AHNAK2: variants seen among roughly 807,000 people sequenced by gnomAD.
AHNAK2 encodes AHNAK nucleoprotein 2.
Under a neutral mutation model 30.7 loss-of-function variants are expected in AHNAK2, and 18 were observed. The ratio of observed to expected loss-of-function variants is 0.59; its 90% CI spans 0.41 to 0.87. AHNAK2 has a LOEUF of 0.87. AHNAK2 is among the 40% of genes least tolerant of loss of function. The pLI is 0.00. For missense variants in AHNAK2, 8,604 were observed against 7,373.0 expected, an observed-to-expected ratio of 1.17 and a Z score of -6.11; for synonymous variants, 3,590 against 3,073.8, an observed-to-expected ratio of 1.17 and a Z score of -5.56.
Position 104,954,888 on chromosome 14 carries a change from C to T in AHNAK2, c.651+69G>A, listed in dbSNP as rs1279775231. On this transcript the variant is annotated intron_variant, in intron 6 of 6. Transcript: ENST00000333244. This position sits in a 1 kb window ranked among gnomAD's most constrained non-coding sequence, Gnocchi z 4.3. ...GACAGATGGAGTGGGAGTGCTATCC[C>T]CTCCCAGGCTCAGCCAGCAGGGTAG... 2 of 1,549,796 alleles carry T rather than the reference C, an allele frequency of 1.3e-6. No homozygotes were observed. The highest frequency in any genetic ancestry group is 1.9e-5 in the Admixed American group (1 of 51,288).
At position 104,942,496 on chromosome 14, in the gene AHNAK2, C is replaced by G. The variant is rs763795613; in HGVS notation, c.12955G>C (p.Ala4319Pro). Residue 4319 changes from alanine (A) to proline (P), a missense_variant, in exon 7 of 7, where the codon GCC becomes CCC. Transcript: ENST00000333244. ...TTCAGCGCAGACACATCCAACGAGG[C>G]CTCGATGGACTTGCCTGGGGCAGAC... is the stretch of plus-strand genomic sequence containing the variant. ...GVSAPGKSIE[A>P]SLDVSALKVE... The G allele has an allele frequency of 1.9e-6, 3 of 1,613,062 alleles. No individual in the cohort carries two copies. In the South Asian group the frequency reaches 3.3e-5, roughly 18 times the overall value.
chr14:104,963,505 C>CA (rs1491071489), intron 1 of AHNAK2, among the ~76,000 whole-genome samples: 8 of 152,094 alleles, frequency 5.3e-5, no homozygotes, highest in Non-Finnish European at 1.0e-4. Context: ...ACAGAACACA[C>CA]AAAAAATGAC....
rs753020196 is a variant in AHNAK2 at position 104,941,734 on chromosome 14, G to T, written c.13717C>A (p.Leu4573Met). Residue 4573 changes from leucine to methionine, a missense_variant, in exon 7 of 7, where the codon CTG becomes ATG. Coordinates refer to ENST00000333244, the MANE Select transcript of AHNAK2 (RefSeq NM_138420.4). ...TCTGCCTTTGGGCCTTTCAGGTCCA[G>T]CTTGGGGCCCTTGACGTCCACCTGG... ...GPQVDVKGPKLDLKGPKAEVM... is the reference protein window; with the variant it reads ...GPQVDVKGPKMDLKGPKAEVM... The T allele has an allele frequency of 6.2e-7, 1 of 1,613,878 alleles. No individual in the cohort carries two copies. The highest frequency in any genetic ancestry group is 8.5e-7 in the Non-Finnish European group (1 of 1,179,892).
rs1351331892 is a variant in AHNAK2 at position 104,953,093 on chromosome 14, T to A, written c.2358A>T (p.Glu786Asp). The change falls in exon 7 of 7, where the codon GAA becomes GAT. Residue 786 changes from glutamate to aspartate, a missense_variant. By Grantham distance (45) the Glu-to-Asp change is conservative. Coordinates refer to ENST00000333244, the MANE Select transcript of AHNAK2 (RefSeq NM_138420.4). ...ACATCTTCACATCGGGGGCTGTCACTTCCGCCTTGGGGCCTTTCAGGTCCA... is the reference window on the plus strand; with the variant it reads ...ACATCTTCACATCGGGGGCTGTCACATCCGCCTTGGGGCCTTTCAGGTCCA... ...PKLDLKGPKAEVTAPDVKMSL... is the reference protein window; with the variant it reads ...PKLDLKGPKADVTAPDVKMSL... 6.2e-7 allele frequency: 1 copy of A among 1,612,932 alleles called. No homozygotes were observed.
chr14:104,944,492 T>A lies in AHNAK2; in HGVS notation c.10959A>T (p.Pro3653=), dbSNP rs1290354508. The change falls in exon 7 of 7, where the codon CCA becomes CCT. Residue 3653 remains proline (P), a synonymous_variant. Coordinates refer to ENST00000333244, the MANE Select transcript of AHNAK2 (RefSeq NM_138420.4). ...FKMPSFRVSA[P]GKSMEASVDV... The stretch of plus-strand genomic sequence containing the variant: ...CCACCGAGGCCTCCATGGACTTCCC[T>A]GGGGCCGATACCCTGAATGACGGCA... 1 of 1,613,188 alleles carries A rather than the reference T, an allele frequency of 6.2e-7. No homozygotes were observed. Among genetic ancestry groups the A allele is most frequent in the Non-Finnish European group, 8.5e-7 (1 of 1,179,620 alleles).
chr14:104,957,714 G>A (rs1378213850), intron 1 of AHNAK2, 42 bp from the exon 2 acceptor site: 1 of 1,585,602 alleles, frequency 6.3e-7, no homozygotes. Context: ...GCAGGCTGGG[G>A]GAGCAGATCG....
chr14:104,975,507 T>G (rs1323675934), intron 1 of AHNAK2, among the ~76,000 whole-genome samples: 1 of 152,182 alleles, frequency 6.6e-6, no homozygotes, highest in Non-Finnish European at 1.5e-5. Context: ...TCAAGGCCCA[T>G]TCCTGCCACT....
Position 104,949,805 on chromosome 14 carries a change from G to C in AHNAK2, c.5646C>G (p.Val1882=). The C allele has an allele frequency of 6.3e-7, 1 of 1,587,372 alleles. No homozygotes were observed. Among genetic ancestry groups the C allele is most frequent in the Non-Finnish European group, 8.6e-7 (1 of 1,163,118 alleles). The change falls in exon 7 of 7, where the codon GTC becomes GTG. Residue 1882 remains valine, a synonymous_variant. Coordinates refer to ENST00000333244, the MANE Select transcript of AHNAK2 (RefSeq NM_138420.4). ...CIPLPSADLV[V]QAGQVDMKLP... Reference sequence around the variant, plus strand: ...GCTTCATGTCCACTTGGCCAGCCTGGACCACCAGGTCTGCAGAAGGGAGCG... The same window carrying C: ...GCTTCATGTCCACTTGGCCAGCCTGCACCACCAGGTCTGCAGAAGGGAGCG...
At position 104,943,780 on chromosome 14, in the gene AHNAK2, T is replaced by A. The variant is rs1408147134; in HGVS notation, c.11671A>T (p.Met3891Leu). Residue 3891 changes from methionine to leucine, a missense_variant, in exon 7 of 7, where the codon ATG (methionine) becomes TTG (leucine). Physicochemically the swap from Met to Leu is conservative, Grantham distance 15 (BLOSUM62 2). Coordinates refer to ENST00000333244, the MANE Select transcript of AHNAK2 (RefSeq NM_138420.4). ...GLKGHLPKVQMPSFKMPKVDL... is the reference protein window; with the variant it reads ...GLKGHLPKVQLPSFKMPKVDL... The stretch of plus-strand genomic sequence containing the variant: ...ACTTTGGGCATCTTGAAACTGGGCA[T>A]CTGCACCTTGGGCAGGTGTCCTTTG... 1 of 1,613,102 alleles carries A rather than the reference T, an allele frequency of 6.2e-7. No homozygotes were observed. Among genetic ancestry groups the A allele is most frequent in the Non-Finnish European group, 8.5e-7 (1 of 1,179,552 alleles).
chr14:104,937,677 G>A lies in AHNAK2; in HGVS notation c.*386C>T, dbSNP rs79161962. ...AAAGAAGTTATACCAAAAACGACTTGTACACCACAGACATTATAACCCTTT... is the reference window on the plus strand; with the variant it reads ...AAAGAAGTTATACCAAAAACGACTTATACACCACAGACATTATAACCCTTT... On this transcript the variant is annotated 3_prime_UTR_variant, in exon 7 of 7. Coordinates refer to ENST00000333244, the MANE Select transcript of AHNAK2 (RefSeq NM_138420.4). 4,637 of 183,718 alleles carry A rather than the reference G, an allele frequency of 0.025. 74 individuals are homozygous for A. Among genetic ancestry groups the A allele is most frequent in the Middle Eastern group, 0.064 (28 of 440 alleles). 11.4% of individuals were successfully genotyped at this position (183,718 alleles called of 1,614,324 possible). A position where few individuals can be genotyped will look rare whatever the true frequency, so the allele number is the denominator to read the frequency against.
In AHNAK2 at chr14:104,951,517, C is replaced by T. The variant is rs752405323; in HGVS notation, c.3934G>A (p.Gly1312Arg). ...TCCTTGTCAGCCAGGGACAGGTCCC[C>T]GTCCAGCTGTGCGCCATCCAACTTG... ...GAKLDGAQLD[G>R]DLSLADKDVT... The change falls in exon 7 of 7, where the codon GGG (glycine) becomes AGG (arginine). Residue 1312 changes from glycine to arginine, a missense_variant. Gly to Arg is a moderately radical substitution (Grantham distance 125, BLOSUM62 -2). Transcript: ENST00000333244. 41 of 1,247,724 alleles carry T rather than the reference C, an allele frequency of 3.3e-5. 9 individuals are homozygous for T. The highest frequency in any genetic ancestry group is 2.2e-4 in the Admixed American group (12 of 53,646). 77.3% of individuals were successfully genotyped at this position (1,247,724 alleles called of 1,614,324 possible).
intron 3 of AHNAK2, 91 bp from the exon 4 acceptor site, chr14:104,956,780 C>T (rs1898988348): frequency 2.4e-6 from 3 of 1,225,444 alleles, no homozygotes; most frequent in Admixed American, 1.7e-5. Context: ...AGGAGCCCTC[C>T]CTTCAGAGGG....
rs765278698 is a variant in AHNAK2 at position 104,950,514 on chromosome 14, A to C, written c.4937T>G (p.Leu1646Arg). 8.2e-6 allele frequency: 13 copies of C among 1,586,908 alleles called. 2 individuals carry two copies. The East Asian group carries it at 2.9e-4, about 36-fold the overall frequency. ...TTTGGCAGTCACCGCCTTGTCGGCC[A>C]GGGACAGGTCCCCCTCCAGCTGCGC... is the stretch of plus-strand genomic sequence containing the variant. ...DGAQLEGDLS[L>R]ADKAVTAKDS... is the part of the protein sequence containing the mutation. The change falls in exon 7 of 7, where the codon CTG (leucine) becomes CGG (arginine). Residue 1646 changes from leucine to arginine, a missense_variant. Coordinates refer to ENST00000333244, the MANE Select transcript of AHNAK2 (RefSeq NM_138420.4).
At position 104,945,386 on chromosome 14, in the gene AHNAK2, G is replaced by A. The variant is rs760268875; in HGVS notation, c.10065C>T (p.Asp3355=). 20 of 1,612,798 alleles carry A rather than the reference G, an allele frequency of 1.2e-5. No homozygotes were observed. Among genetic ancestry groups the A allele is most frequent in the Admixed American group, 1.7e-5 (1 of 59,924 alleles). Residue 3355 remains aspartate, a synonymous_variant, in exon 7 of 7, where the codon GAC becomes GAT. Transcript: ENST00000333244. ...PSMQGDLKTT[D]LSIQLPSVDL... ...CCACAGAAGGGAGCTGAATGCTGAG[G>A]TCAGTGGTCTTGAGGTCCCCCTGCA...
Position 104,941,918 on chromosome 14 carries a change from G to A in AHNAK2, c.13533C>T (p.Leu4511=), listed in dbSNP as rs1403172918. The A allele has an allele frequency of 5.6e-6, 9 of 1,613,672 alleles. No individual in the cohort carries two copies. Among genetic ancestry groups the A allele is most frequent in the Non-Finnish European group, 7.6e-6 (9 of 1,179,690 alleles). ...SMQGDLKTTD[L]RIQAPSADLE... is the part of the protein sequence containing the mutation. ...GGTCGGCGGAAGGGGCCTGAATGCG[G>A]AGGTCAGTGGTCTTGAGGTCCCCCT... is the stretch of plus-strand genomic sequence containing the variant. The change falls in exon 7 of 7, where the codon CTC becomes CTT. Residue 4511 remains leucine, a synonymous_variant. Transcript: ENST00000333244.
intron 1 of AHNAK2, among the ~76,000 whole-genome samples, chr14:104,961,494 G>T (rs192274376): frequency 3.4e-4 from 50 of 148,758 alleles, no homozygotes; most frequent in African/African-American, 9.3e-4. Context: ...CAGCCTGGGT[G>T]ACAGCGAGAC....
At position 104,949,194 on chromosome 14, in the gene AHNAK2, A is replaced by C; in HGVS notation, c.6257T>G (p.Leu2086Arg). 2 of 1,070,216 alleles carry C rather than the reference A, an allele frequency of 1.9e-6. No homozygotes were observed. Among genetic ancestry groups the C allele is most frequent in the East Asian group, 4.5e-5 (2 of 44,392 alleles). The allele number at this position is 1,070,216 out of a possible 1,614,324, so 66.3% of individuals were successfully genotyped here. ...MPSLKMPKVD[L>R]KGPQVDIKGP... ...CTTGATGTCCACCTGGGGGCCCTTG[A>C]GGTCCACTTTGGGCATCTTCAAACT... Residue 2086 changes from leucine to arginine, a missense_variant, in exon 7 of 7, where the codon CTC becomes CGC. Coordinates refer to ENST00000333244, the MANE Select transcript of AHNAK2 (RefSeq NM_138420.4).
At position 104,946,558 on chromosome 14, in the gene AHNAK2, A is replaced by G. The variant is rs767433396; in HGVS notation, c.8893T>C (p.Ser2965Pro). The G allele has an allele frequency of 6.2e-7, 1 of 1,612,078 alleles. No homozygotes were observed. The highest frequency in any genetic ancestry group is 8.5e-7 in the Non-Finnish European group (1 of 1,179,490). ...LDGARLEGDL[S>P]LADKDVTAKD... ...GCAGTCACATCCTTGTCGGCCAGGG[A>G]CAGGTCACCCTCCAGCCGTGCACCA... is the stretch of plus-strand genomic sequence containing the variant. The change falls in exon 7 of 7, where the codon TCC becomes CCC. Residue 2965 changes from serine (S) to proline (P), a missense_variant. By Grantham distance (74) the Ser-to-Pro change is moderately conservative. Transcript: ENST00000333244.
rs201149613 is a variant in AHNAK2, at chr14:104,949,355, C to G, written c.6096G>C (p.Lys2032Asn). Residue 2032 changes from lysine to asparagine, a missense_variant, in exon 7 of 7, where the codon AAG becomes AAC. Coordinates refer to ENST00000333244, the MANE Select transcript of AHNAK2 (RefSeq NM_138420.4). ...VSLPSMQGDL[K>N]TTDLSIQPPS... ...GGGGCTGAATGCTGAGGTCAGTGGT[C>G]TTCAGGTCCCCCTGCATGGAGGGGA... 50 of 1,569,260 alleles carry G rather than the reference C, an allele frequency of 3.2e-5. 7 individuals carry two copies. The highest frequency in any genetic ancestry group is 2.6e-6 in the Non-Finnish European group (3 of 1,151,136).
Sources: allele counts gnomAD v4.1 joint callset (sites outside exome capture counted in the v4.1 genomes callset), GRCh38; gene constraint gnomAD v4.1.1; non-coding constraint Gnocchi (gnomAD v3.1); transcripts MANE v1.5; gene names NCBI Gene and HGNC (gene_info 2026-07-23, HGNC 2026-07-21).